XYLT1: variants seen among roughly 807,000 people sequenced by gnomAD.
The protein encoded by XYLT1 is xylosyltransferase 1.
A neutral mutation model predicts 91.3 loss-of-function variants in XYLT1; 36 were observed. That is an observed-to-expected ratio of 0.39 (90% CI 0.30 to 0.52). The LOEUF (loss-of-function observed/expected upper bound fraction) is 0.52. Among genes scored for constraint, XYLT1 ranks in the 20% least tolerant of loss-of-function variants. The probability of loss-of-function intolerance (pLI) is 0.68; values close to 1 mark genes in which losing one functional copy is unlikely to be tolerated. For missense variants in XYLT1, 1,242 were observed against 1,284.5 expected (o/e 0.97, Z 0.51); for synonymous variants, 588 against 532.0 (o/e 1.11, Z -1.45).
At chr16:17,335,625 C>T (rs997457119) in intron 2 of XYLT1, among the ~76,000 whole-genome samples, 1 of 147,444 alleles carries the variant, frequency 6.8e-6, no homozygotes, top group African/African-American at 2.5e-5. Flanking sequence ...ACCCGGAAGG[C>T]AGAAGTTGCA....
chr16:17,365,577 G>A (rs1567394691), intron 1 of XYLT1, among the ~76,000 whole-genome samples: 2 of 152,254 alleles, frequency 1.3e-5, no homozygotes, highest in East Asian at 1.9e-4. Flanking sequence ...TTACAGAAAC[G>A]TTGGCAGTTA....
In XYLT1 at chr16:17,105,105, T is replaced by A. The variant is rs188125601; in HGVS notation, c.*3590A>T. ...GCTGGGAAGCTGGTGCTCCAAATCC[T>A]CAGTGAACTTGGTTGTGAAAGGACT... On this transcript the variant is annotated 3_prime_UTR_variant, in exon 12 of 12. Transcript: ENST00000261381. The A allele has an allele frequency of 2.0e-4, 31 of 152,322 alleles. No homozygotes were observed. Among genetic ancestry groups the A allele is most frequent in the African/African-American group, 7.0e-4 (29 of 41,530 alleles). The allele number at this position is 152,322 out of a possible 1,614,324, so 9.4% of individuals were successfully genotyped here.
chr16:17,341,437 C>A (rs754827415), intron 2 of XYLT1, among the ~76,000 whole-genome samples: 2 of 152,072 alleles, frequency 1.3e-5, no homozygotes, highest in African/African-American at 2.4e-5. Context: ...AGAGGAAAAG[C>A]AAGTTACCAT....
chr16:17,412,242 GC>G (rs1019076907), intron 1 of XYLT1, among the ~76,000 whole-genome samples: 1 of 152,026 alleles, frequency 6.6e-6, no homozygotes, highest in African/African-American at 2.4e-5. Context: ...CCACCGTGCA[GC>G]CCAGGTCCAT....
rs543257474 is a variant in XYLT1 at position 17,407,105 on chromosome 16, G to A, written c.364-49055C>T. ...CAACCTCTGCCTCCGGAGTTCAAGC[G>A]ATTCTCCTGCCTCAGCCTCCCAAGT... On this transcript the variant is annotated intron_variant, in intron 1 of 11. Coordinates refer to ENST00000261381, the MANE Select transcript of XYLT1 (RefSeq NM_022166.4). Among the ~76,000 whole-genome samples, 5 of 152,166 alleles carry A rather than the reference G, an allele frequency of 3.3e-5. No homozygotes were observed. The East Asian group carries it at 5.8e-4, about 18-fold the overall frequency.
intron 11 of XYLT1, among the ~76,000 whole-genome samples, chr16:17,109,752 C>T (rs1294672148): frequency 6.6e-6 from 1 of 152,180 alleles, no homozygotes; most frequent in Admixed American, 6.5e-5. Flanking sequence ...ATATCTAGCC[C>T]TTTACAGAAA....
intron 6 of XYLT1, among the ~76,000 whole-genome samples, chr16:17,144,165 G>A (rs2031069794): frequency 6.6e-6 from 1 of 152,220 alleles, no homozygotes; most frequent in Non-Finnish European, 1.5e-5. Context: ...CAAGCTTCAT[G>A]TGAGCTAGGG....
chr16:17,418,542 G>A (rs1296142471), intron 1 of XYLT1, among the ~76,000 whole-genome samples: 1 of 147,556 alleles, frequency 6.8e-6, no homozygotes, highest in Non-Finnish European at 1.5e-5. Context: ...AAAAAGTTCA[G>A]AGTTAAAAAA....
intron 11 of XYLT1, among the ~76,000 whole-genome samples, chr16:17,113,538 A>G (rs1966846430): frequency 6.6e-6 from 1 of 152,138 alleles, no homozygotes; most frequent in African/African-American, 2.4e-5. Flanking sequence ...GGACTCAGCA[A>G]ATAGAATCTC....
chr16:17,108,950 T>G lies in XYLT1; in HGVS notation c.2625A>C (p.Leu875=). ...TGATGGGCAGGCTGAGGACGGGGTT[T>G]AGGCTCTGGAAGCTCTGCTCCATGT... is the stretch of plus-strand genomic sequence containing the variant. ...NAYMEQSFQS[L]NPVLSLPINP... Residue 875 remains leucine (L), a synonymous_variant, in exon 12 of 12, where the codon CTA becomes CTC. Transcript: ENST00000261381. The G allele has an allele frequency of 6.3e-7, 1 of 1,590,734 alleles. No homozygotes were observed. Among genetic ancestry groups the G allele is most frequent in the Non-Finnish European group, 8.6e-7 (1 of 1,163,192 alleles).
chr16:17,162,581 G>A (rs955210541), intron 5 of XYLT1, among the ~76,000 whole-genome samples: 1 of 152,096 alleles, frequency 6.6e-6, no homozygotes, highest in Non-Finnish European at 1.5e-5. Flanking sequence ...GTGAATGAAC[G>A]AGTGAATGAA....
At chr16:17,442,508 A>C (rs551052651) in intron 1 of XYLT1, among the ~76,000 whole-genome samples, 24 of 152,144 alleles carry the variant, frequency 1.6e-4, no homozygotes, top group Non-Finnish European at 2.9e-4. Context: ...AATGAGATTA[A>C]CACCACATAT....
intron 1 of XYLT1, among the ~76,000 whole-genome samples, chr16:17,463,500 G>T (rs186700818): frequency 8.1e-4 from 124 of 152,336 alleles, no homozygotes; most frequent in African/African-American, 2.9e-3. Flanking sequence ...CCAGGGAACT[G>T]TGAGTCAAAA....
At chr16:17,394,185 A>G (rs184923304) in intron 1 of XYLT1, among the ~76,000 whole-genome samples, 1 of 152,330 alleles carries the variant, frequency 6.6e-6, no homozygotes, top group East Asian at 1.9e-4. Context: ...AAAATGAAAT[A>G]AAAGTAAAAC....
At chr16:17,168,405 A>G (rs950446928) in intron 5 of XYLT1, among the ~76,000 whole-genome samples, 1 of 152,190 alleles carries the variant, frequency 6.6e-6, no homozygotes, top group African/African-American at 2.4e-5. Flanking sequence ...TCTCACGGAC[A>G]TGAAAATGGG....
chr16:17,397,239 G>A (rs1049360672), intron 1 of XYLT1, among the ~76,000 whole-genome samples: 2 of 152,036 alleles, frequency 1.3e-5, no homozygotes, highest in African/African-American at 4.8e-5. Flanking sequence ...TGCTTGGATC[G>A]GCAGGTTCGG....
At chr16:17,325,477 T>C (rs1490638306) in intron 2 of XYLT1, among the ~76,000 whole-genome samples, 2 of 152,198 alleles carry the variant, frequency 1.3e-5, no homozygotes, top group African/African-American at 2.4e-5. Context: ...GACCCTTTTC[T>C]GACCAATGAA....
rs1240354715 is a variant in XYLT1 at position 17,352,212 on chromosome 16, CTTAAGT to C, written c.402+5794_402+5799del. ...CCTAGTTGAGAACTACTGGTTTATA[CTTAAGT>C]TTAAGTTCAGCTGAACATCAGTCAG... On this transcript the variant is annotated intron_variant, in intron 2 of 11. Transcript: ENST00000261381. Among the ~76,000 whole-genome samples, 14 of 152,296 alleles carry C rather than the reference CTTAAGT, an allele frequency of 9.2e-5. No individual in the cohort carries two copies. In the East Asian group the frequency reaches 1.7e-3, roughly 19 times the overall value.
At chr16:17,117,591 C>T (rs1597130235) in intron 11 of XYLT1, 55 bp downstream of exon 11, 1 of 1,560,532 alleles carries the variant, frequency 6.4e-7, no homozygotes, top group East Asian at 2.3e-5. Context: ...ACCAAAGACC[C>T]TCAAGGTCCC....
Sources: allele counts gnomAD v4.1 joint callset (sites outside exome capture counted in the v4.1 genomes callset), GRCh38; gene constraint gnomAD v4.1.1; transcripts MANE v1.5; gene names NCBI Gene and HGNC (gene_info 2026-07-23, HGNC 2026-07-21).